The following SLC16A2 variants were observed in gnomAD, a reference collection of about 807,000 sequenced individuals.
SLC16A2 encodes solute carrier family 16 member 2.
Under a neutral mutation model 27.2 loss-of-function variants are expected in SLC16A2, and 3 were observed. The observed-to-expected ratio is 0.11, with a 90% CI of 0.05 to 0.28. SLC16A2 has a LOEUF of 0.28. SLC16A2 is among the 10% of genes least tolerant of loss of function. SLC16A2 has a pLI of 1.00. For missense variants in SLC16A2, 295 were observed against 458.5 expected (o/e 0.64, Z 3.26); for synonymous variants, 202 against 187.8 (o/e 1.08, Z -0.62).
chrX:74,449,967 AC>A lies in SLC16A2; in HGVS notation c.430+27901del, dbSNP rs1928908456. The stretch of plus-strand genomic sequence containing the variant: ...GATGATCTTTGTCTTGCAACAGGGC[AC>A]TATAGACGACCAGGATGGTCCATCC... On this transcript the variant is annotated intron_variant, in intron 1 of 5. Transcript: ENST00000587091. 2.7e-5 allele frequency among the ~76,000 whole-genome samples: 3 copies of A among 112,328 alleles called. No homozygotes were observed. In the South Asian group the frequency reaches 1.1e-3, roughly 42 times the overall value.
intron 1 of SLC16A2, among the ~76,000 whole-genome samples, chrX:74,442,703 T>C (rs566393555): frequency 8.9e-6 from 1 of 112,410 alleles, no homozygotes; most frequent in South Asian, 3.7e-4. Flanking sequence ...ACGCCTGTAA[T>C]CCCAGCACTT....
rs1435881508 is a variant in SLC16A2 at position 74,531,735 on chromosome X, C to G, written c.*182C>G. The G allele has an allele frequency of 4.1e-6, 2 of 485,120 alleles. No homozygotes were observed. The highest frequency in any genetic ancestry group is 7.3e-6 in the Non-Finnish European group (2 of 273,503). 40.0% of individuals were successfully genotyped at this position (485,120 alleles called of 1,213,427 possible). On this transcript the variant is annotated 3_prime_UTR_variant, in exon 6 of 6. Coordinates refer to ENST00000587091, the MANE Select transcript of SLC16A2 (RefSeq NM_006517.5). ...TCCAAACTCATTAACTAAATTCTCCCCAGAATGCTTTTAAATTTTCCAGGG... is the reference window on the plus strand; with the variant it reads ...TCCAAACTCATTAACTAAATTCTCCGCAGAATGCTTTTAAATTTTCCAGGG...
chrX:74,494,089 A>T, intron 1 of SLC16A2, among the ~76,000 whole-genome samples: 1 of 112,128 alleles, frequency 8.9e-6, no homozygotes. Flanking sequence ...GGCTGAAATG[A>T]GGGGGTGCAG....
Position 74,462,965 on chromosome X carries a change from G to A in SLC16A2, c.430+40898G>A, listed in dbSNP as rs988278988. ...TTCTTTCTTGTGAGACCACATGCAG[G>A]TCTCTTCATCTCTTTGTGGCTCAAT... On this transcript the variant is annotated intron_variant, in intron 1 of 5. Transcript: ENST00000587091. Among the ~76,000 whole-genome samples the A allele has an allele frequency of 9.8e-5, 11 of 111,955 alleles. No individual in the cohort carries two copies. The East Asian group carries it at 3.1e-3, about 31-fold the overall frequency.
intron 1 of SLC16A2, among the ~76,000 whole-genome samples, chrX:74,440,106 G>A: frequency 8.9e-6 from 1 of 111,903 alleles, no homozygotes; most frequent in East Asian, 2.8e-4. Context: ...AGAGAGGCCT[G>A]GGCTTTATGT....
intron 1 of SLC16A2, among the ~76,000 whole-genome samples, chrX:74,442,246 A>AAAAG (rs1569285332): frequency 1.8e-5 from 2 of 109,109 alleles, no homozygotes; most frequent in African/African-American, 6.7e-5. Context: ...AAAAAAAAAA[A>AAAAG]AAAGAAATGG....
chrX:74,435,557 T>A (rs868082115), intron 1 of SLC16A2, among the ~76,000 whole-genome samples: 435 of 10,866 alleles, frequency 0.04, 3 homozygotes, highest in African/African-American at 0.06. Context: ...ATATATATTT[T>A]TTTTTTTTTT....
At chrX:74,473,982 A>T (rs1287481866) in intron 1 of SLC16A2, 3 of 283,949 alleles carry the variant, frequency 1.1e-5, no homozygotes, top group African/African-American at 8.2e-5. Flanking sequence ...GACTTTAATG[A>T]CGCTTCCTCA....
chrX:74,499,439 TTTTC>T (rs746450986), intron 1 of SLC16A2, among the ~76,000 whole-genome samples: 5 of 109,698 alleles, frequency 4.6e-5, no homozygotes, highest in African/African-American at 6.6e-5. Flanking sequence ...TTCTTTTTTC[TTTTC>T]TTTCTTTCTT....
intron 1 of SLC16A2, among the ~76,000 whole-genome samples, chrX:74,477,801 T>C (rs1929516861): frequency 8.9e-6 from 1 of 112,403 alleles, no homozygotes; most frequent in Admixed American, 9.4e-5. Context: ...TTGAGTGAGT[T>C]TCTCAGTCCT....
chrX:74,462,039 C>T (rs1475302492), intron 1 of SLC16A2, among the ~76,000 whole-genome samples: 1 of 111,626 alleles, frequency 9.0e-6, no homozygotes, highest in Non-Finnish European at 1.9e-5. Context: ...CTGCCCCTTC[C>T]CGTGAACTCC....
At chrX:74,475,409 A>G (rs1366587667) in intron 1 of SLC16A2, among the ~76,000 whole-genome samples, 2 of 105,937 alleles carry the variant, frequency 1.9e-5, no homozygotes, top group Non-Finnish European at 3.9e-5. Flanking sequence ...GGTTGCAAAA[A>G]TTTTCTCCCA....
intron 1 of SLC16A2, among the ~76,000 whole-genome samples, chrX:74,445,276 A>G (rs988559528): frequency 9.0e-6 from 1 of 111,081 alleles, no homozygotes; most frequent in Non-Finnish European, 1.9e-5. Context: ...CTATTAAGAT[A>G]ACCATCAGTC....
intron 1 of SLC16A2, among the ~76,000 whole-genome samples, chrX:74,496,777 C>G (rs1929944087): frequency 8.9e-6 from 1 of 112,372 alleles, no homozygotes; most frequent in Non-Finnish European, 1.9e-5. Flanking sequence ...AGGTGGCTCT[C>G]AGCAGTTGGG....
chrX:74,498,515 T>A lies in SLC16A2; in HGVS notation c.431-22475T>A, dbSNP rs1402976673. Among the ~76,000 whole-genome samples, 3 of 111,039 alleles carry A rather than the reference T, an allele frequency of 2.7e-5. No individual in the cohort carries two copies. The Admixed American group carries it at 2.9e-4, about 11-fold the overall frequency. On this transcript the variant is annotated intron_variant, in intron 1 of 5. Coordinates refer to ENST00000587091, the MANE Select transcript of SLC16A2 (RefSeq NM_006517.5). ...TTCTCTAGTCCCCTGTCCACCAAAC[T>A]ATCCTTGAAAAACTCTAACCTCTGA...
At chrX:74,477,269 A>C (rs1166274045) in intron 1 of SLC16A2, 1 of 111,970 alleles carries the variant, frequency 8.9e-6, no homozygotes, top group Non-Finnish European at 1.9e-5. Flanking sequence ...ATCTGTGTAG[A>C]GGTGTTTATA....
chrX:74,451,918 C>G (rs1928949238), intron 1 of SLC16A2, among the ~76,000 whole-genome samples: 1 of 112,589 alleles, frequency 8.9e-6, no homozygotes, highest in Non-Finnish European at 1.9e-5. Flanking sequence ...CTGTCAGAAA[C>G]AGAAGGGATG....
chrX:74,475,394 G>T (rs1390844525), intron 1 of SLC16A2, among the ~76,000 whole-genome samples: 1 of 107,504 alleles, frequency 9.3e-6, no homozygotes, highest in African/African-American at 3.4e-5. Context: ...TTTGTCAGAT[G>T]AGTAGGTTGC....
chrX:74,505,929 G>A (rs189885360), intron 1 of SLC16A2, among the ~76,000 whole-genome samples: 1 of 111,921 alleles, frequency 8.9e-6, no homozygotes, highest in African/African-American at 3.2e-5. Flanking sequence ...CTTGTTTCTT[G>A]TTTTGGCTTT....
Sources: gnomAD v4.1 joint callset for allele counts (sites outside exome capture counted in the v4.1 genomes callset) on GRCh38, gnomAD v4.1.1 for gene constraint, MANE v1.5 for transcripts, NCBI Gene and HGNC (gene_info 2026-07-23, HGNC 2026-07-21) for gene names.